DDAH1: variants seen among roughly 807,000 people sequenced by gnomAD.
DDAH1 encodes dimethylarginine dimethylaminohydrolase 1, also known as N(G),N(G)-dimethylarginine dimethylaminohydrolase 1.
Under a neutral mutation model 28.8 loss-of-function variants are expected in DDAH1, and 19 were observed. The ratio of observed to expected loss-of-function variants is 0.66; its 90% CI spans 0.46 to 0.97. The LOEUF (loss-of-function observed/expected upper bound fraction) is 0.97. DDAH1 is among the 50% of genes least tolerant of loss of function. The pLI is 0.00. For synonymous variants in DDAH1, 153 were observed against 154.4 expected, an observed-to-expected ratio of 0.99 and a Z score of 0.07; for missense variants, 326 against 375.9, an observed-to-expected ratio of 0.87 and a Z score of 1.10.
At chr1:85,459,870 A>C (rs1214137439) in intron 1 of DDAH1, among the ~76,000 whole-genome samples, 6 of 152,250 alleles carry the variant, frequency 3.9e-5, no homozygotes, top group African/African-American at 1.4e-4. Context: ...TAATTCACTT[A>C]GTGTTCGAGT....
At chr1:85,397,576 G>C (rs561310293) in intron 1 of DDAH1, among the ~76,000 whole-genome samples, 2 of 152,284 alleles carry the variant, frequency 1.3e-5, no homozygotes, top group African/African-American at 4.8e-5. Flanking sequence ...TGGTTTGGTA[G>C]AGTACACTTT....
chr1:85,549,404 G>A (rs1184460325), intron 1 of DDAH1, among the ~76,000 whole-genome samples: 1 of 152,182 alleles, frequency 6.6e-6, no homozygotes, highest in Admixed American at 6.5e-5. Flanking sequence ...TCTGGAAAGA[G>A]GCCTGGGATT....
chr1:85,520,044 G>C (rs2689925), intron 1 of DDAH1, among the ~76,000 whole-genome samples: 2 of 150,326 alleles, frequency 1.3e-5, no homozygotes, highest in Admixed American at 6.6e-5. Flanking sequence ...TGGAAGTTTT[G>C]GTGCACCCAT....
chr1:85,510,151 T>C (rs2100749415), intron 1 of DDAH1, among the ~76,000 whole-genome samples: 1 of 152,260 alleles, frequency 6.6e-6, no homozygotes, highest in East Asian at 1.9e-4. Flanking sequence ...AGCAGATCAC[T>C]CAGCAGAAAC....
chr1:85,450,993 C>A (rs1295686238), intron 1 of DDAH1, among the ~76,000 whole-genome samples: 5 of 152,216 alleles, frequency 3.3e-5, no homozygotes, highest in Non-Finnish European at 1.5e-5. Flanking sequence ...TGATGACCTA[C>A]TCCTAAAACC....
In DDAH1 at chr1:85,388,410, C is replaced by A. The variant is rs557032536; in HGVS notation, c.304-29563G>T. Reference sequence around the variant, plus strand: ...AGTCATATAAATAGACAGTAATTGTCATTAAACTATGAGATTACAGAAATA... The same window carrying A: ...AGTCATATAAATAGACAGTAATTGTAATTAAACTATGAGATTACAGAAATA... On this transcript the variant is annotated intron_variant, in intron 1 of 5. Transcript: ENST00000284031. Among the ~76,000 whole-genome samples, 119 of 152,136 alleles carry A rather than the reference C, an allele frequency of 7.8e-4. 1 individual carries two copies. The Middle Eastern group carries it at 0.01, about 13-fold the overall frequency.
intron 1 of DDAH1, among the ~76,000 whole-genome samples, chr1:85,552,514 T>C (rs1484077087): frequency 6.6e-6 from 1 of 152,202 alleles, no homozygotes; most frequent in African/African-American, 2.4e-5. Flanking sequence ...AAGTCTAGCA[T>C]AATGGCCACT....
In DDAH1 at chr1:85,465,034, G is replaced by C. The variant is rs1655307848; in HGVS notation, c.12C>G (p.Leu4=). 3.0e-6 allele frequency: 4 copies of C among 1,317,758 alleles called. No homozygotes were observed. Among genetic ancestry groups the C allele is most frequent in the Non-Finnish European group, 3.9e-6 (4 of 1,036,976 alleles). 81.6% of individuals were successfully genotyped at this position (1,317,758 alleles called of 1,614,324 possible). A position where few individuals can be genotyped will look rare whatever the true frequency, so the allele number is the denominator to read the frequency against. Residue 4 remains leucine (L), a synonymous_variant, in exon 1 of 6, where the codon CTC becomes CTG. Transcript: ENST00000284031. Reference sequence around the variant, plus strand: ...CCCGGCCGAAGGCGGCGGGGTGGCCGAGCCCGGCCATGGCTTCGGGAGGCT... The same window carrying C: ...CCCGGCCGAAGGCGGCGGGGTGGCCCAGCCCGGCCATGGCTTCGGGAGGCT... The part of the protein sequence containing the change: MAG[L]GHPAAFGRAT...
intron 1 of DDAH1, among the ~76,000 whole-genome samples, chr1:85,562,782 C>A (rs1228374207): frequency 6.6e-6 from 1 of 152,132 alleles, no homozygotes; most frequent in Admixed American, 6.5e-5. Flanking sequence ...AGACTCTCAG[C>A]CTCCAGAACT....
At chr1:85,459,367 C>T (rs993005541) in intron 1 of DDAH1, among the ~76,000 whole-genome samples, 2 of 152,156 alleles carry the variant, frequency 1.3e-5, no homozygotes, top group Non-Finnish European at 2.9e-5. Context: ...GAAGTCACTC[C>T]CTAGTCATTT....
At chr1:85,422,643 T>C (rs1394135095) in intron 1 of DDAH1, among the ~76,000 whole-genome samples, 1 of 152,174 alleles carries the variant, frequency 6.6e-6, no homozygotes, top group Non-Finnish European at 1.5e-5. Context: ...GCAACAATTG[T>C]TGAAAAGATC....
intron 4 of DDAH1, among the ~76,000 whole-genome samples, chr1:85,347,416 C>A (rs1648923193): frequency 6.6e-6 from 1 of 152,142 alleles, no homozygotes; most frequent in Non-Finnish European, 1.5e-5. Flanking sequence ...CACATATACA[C>A]CATGGAATAC....
intron 1 of DDAH1, among the ~76,000 whole-genome samples, chr1:85,420,020 C>T (rs1409544816): frequency 6.6e-6 from 1 of 152,158 alleles, no homozygotes; most frequent in Non-Finnish European, 1.5e-5. Flanking sequence ...TGCAAACTAT[C>T]AACCCTCTGG....
intron 1 of DDAH1, among the ~76,000 whole-genome samples, chr1:85,509,640 T>C (rs1329379534): frequency 2.0e-5 from 3 of 152,174 alleles, no homozygotes; most frequent in Non-Finnish European, 2.9e-5. Flanking sequence ...AGAGAAGACC[T>C]TAAATGACCT....
At chr1:85,456,683 C>T (rs899113441) in intron 1 of DDAH1, among the ~76,000 whole-genome samples, 1 of 152,184 alleles carries the variant, frequency 6.6e-6, no homozygotes, top group African/African-American at 2.4e-5. Flanking sequence ...ATATTGCCAA[C>T]TTAAGATACG....
chr1:85,358,032 A>G (rs1026227688), intron 2 of DDAH1, among the ~76,000 whole-genome samples: 2 of 152,224 alleles, frequency 1.3e-5, no homozygotes, highest in Admixed American at 6.5e-5. Context: ...CCATCTGGAA[A>G]GAAAGTTATT....
At chr1:85,461,275 T>C (rs890109117) in intron 1 of DDAH1, among the ~76,000 whole-genome samples, 1 of 152,250 alleles carries the variant, frequency 6.6e-6, no homozygotes, top group Non-Finnish European at 1.5e-5. Flanking sequence ...TAACATTATT[T>C]ACTGACTTTC....
chr1:85,402,221 T>C (rs1557585698), intron 1 of DDAH1, among the ~76,000 whole-genome samples: 1 of 150,050 alleles, frequency 6.7e-6, no homozygotes, highest in Non-Finnish European at 1.5e-5. Context: ...AGGCTTATCT[T>C]GAACTTTTAG....
intron 4 of DDAH1, among the ~76,000 whole-genome samples, chr1:85,327,260 T>C (rs1446135868): frequency 6.6e-6 from 1 of 152,140 alleles, no homozygotes; most frequent in African/African-American, 2.4e-5. Context: ...TCATAGAGGT[T>C]GCCACCAGCC....
Sources: allele counts gnomAD v4.1 joint callset (sites outside exome capture counted in the v4.1 genomes callset), GRCh38; gene constraint gnomAD v4.1.1; transcripts MANE v1.5; gene names NCBI Gene and HGNC (gene_info 2026-07-23, HGNC 2026-07-21).